SORBS2: variants seen among roughly 807,000 people sequenced by gnomAD.
The protein encoded by SORBS2 is sorbin and SH3 domain-containing protein 2.
A neutral mutation model predicts 97.7 loss-of-function variants in SORBS2; 46 were observed. That is an observed-to-expected ratio of 0.47 (90% CI 0.37 to 0.60). The LOEUF is 0.60. Ranked by LOEUF, SORBS2 falls within the 20% of genes least tolerant of loss-of-function variation. The pLI is 0.00. For missense variants in SORBS2, 1,316 were observed against 1,282.3 expected, an observed-to-expected ratio of 1.03 and a Z score of -0.40; for synonymous variants, 476 against 473.4, an observed-to-expected ratio of 1.01 and a Z score of -0.07.
At chr4:185,727,809 T>A (rs919986649) in intron 2 of SORBS2, among the ~76,000 whole-genome samples, 10 of 152,158 alleles carry the variant, frequency 6.6e-5, no homozygotes, top group African/African-American at 2.4e-4. Flanking sequence ...TTCAGAAAAA[T>A]GCACCTTAAT....
intron 2 of SORBS2, among the ~76,000 whole-genome samples, chr4:185,768,155 G>C (rs2098947639): frequency 6.6e-6 from 1 of 152,056 alleles, no homozygotes; most frequent in Non-Finnish European, 1.5e-5. Context: ...TTATATCCAG[G>C]TGTATGTGCC....
chr4:185,890,905 A>G (rs903384866), intron 1 of SORBS2, among the ~76,000 whole-genome samples: 1 of 152,230 alleles, frequency 6.6e-6, no homozygotes, highest in Non-Finnish European at 1.5e-5. Context: ...TGTATGTTTT[A>G]TAGTATTGAA....
chr4:185,672,415 G>A (rs1386073286), intron 4 of SORBS2, among the ~76,000 whole-genome samples: 1 of 152,220 alleles, frequency 6.6e-6, no homozygotes, highest in Non-Finnish European at 1.5e-5. Context: ...GTTTGGGGGT[G>A]TAGCTTTTTG....
chr4:185,936,629 G>C (rs146221454), intron 1 of SORBS2, among the ~76,000 whole-genome samples: 1 of 152,296 alleles, frequency 6.6e-6, no homozygotes, highest in East Asian at 1.9e-4. Context: ...ATTGATAATA[G>C]TGTGATAACC....
At chr4:185,897,201 T>C (rs989147567) in intron 1 of SORBS2, among the ~76,000 whole-genome samples, 2 of 152,180 alleles carry the variant, frequency 1.3e-5, no homozygotes, top group Admixed American at 1.3e-4. Flanking sequence ...AGTATTACTC[T>C]AACTTTCGCT....
intron 1 of SORBS2, chr4:185,810,853 G>C (rs1382444377): frequency 6.6e-6 from 1 of 152,158 alleles, no homozygotes. Context: ...GAGGTGTGCG[G>C]TGTTTTTGGT....
intron 1 of SORBS2, among the ~76,000 whole-genome samples, chr4:185,780,408 C>T (rs574133975): frequency 2.8e-4 from 42 of 152,272 alleles, no homozygotes; most frequent in South Asian, 1.0e-3. Context: ...GCTCTGGGCA[C>T]GTAGCAAGCA....
intron 2 of SORBS2, among the ~76,000 whole-genome samples, chr4:185,730,959 T>C (rs767017012): frequency 6.6e-5 from 10 of 152,234 alleles, no homozygotes; most frequent in Non-Finnish European, 1.0e-4. Flanking sequence ...TGGTATCTAT[T>C]TGAGCATTTT....
chr4:185,682,860 A>G (rs2097892380), intron 2 of SORBS2, among the ~76,000 whole-genome samples: 1 of 151,950 alleles, frequency 6.6e-6, no homozygotes, highest in African/African-American at 2.4e-5. Context: ...AAAAAAATAC[A>G]AAAATTAGCC....
At chr4:185,908,539 G>T (rs1579433125) in intron 1 of SORBS2, among the ~76,000 whole-genome samples, 1 of 151,604 alleles carries the variant, frequency 6.6e-6, no homozygotes, top group South Asian at 2.1e-4. Context: ...GAAAGGGTTT[G>T]TTGGAAAATG....
intron 8 of SORBS2, 63 bp downstream of exon 20, chr4:185,619,999 TG>T: frequency 1.1e-6 from 1 of 952,364 alleles, no homozygotes; most frequent in Admixed American, 1.7e-5. Context: ...GGATAATTTT[TG>T]GCTGGTAAGT....
At chr4:185,611,283 G>C (rs80028814) in intron 12 of SORBS2, among the ~76,000 whole-genome samples, 12,181 of 151,858 alleles carry the variant, frequency 0.08, 663 homozygotes, top group Non-Finnish European at 0.12. Context: ...GTGTTCTTGT[G>C]ATATACTATT....
chr4:185,946,611 TAAAC>T lies in SORBS2; in HGVS notation c.-338+9581_-338+9584del, dbSNP rs1199744485. ...TCAGCAAAGGAAATACAAAGCAAAG[TAAAC>T]AAACAAACATCCTTCCATCTCCTCA... On this transcript the variant is annotated intron_variant, in intron 1 of 20. Transcript: ENST00000284776. 3.3e-5 allele frequency among the ~76,000 whole-genome samples: 5 copies of T among 152,240 alleles called. No individual in the cohort carries two copies. The East Asian group carries it at 9.7e-4, about 29-fold the overall frequency.
intron 1 of SORBS2, among the ~76,000 whole-genome samples, chr4:185,840,703 A>T (rs2099210952): frequency 6.6e-6 from 1 of 152,208 alleles, no homozygotes; most frequent in African/African-American, 2.4e-5. Flanking sequence ...GGGGGATCTA[A>T]TGCACATTGT....
chr4:185,848,525 A>T (rs991669118), intron 1 of SORBS2, among the ~76,000 whole-genome samples: 3 of 152,108 alleles, frequency 2.0e-5, no homozygotes, highest in Admixed American at 6.5e-5. Context: ...CTTTTAAAAA[A>T]GTCTTAGAAA....
At chr4:185,831,207 A>C (rs556793493) in intron 1 of SORBS2, among the ~76,000 whole-genome samples, 4 of 152,150 alleles carry the variant, frequency 2.6e-5, no homozygotes, top group Admixed American at 2.6e-4. Context: ...CAAAAGGGAT[A>C]TTTTGGGCTC....
Position 185,849,588 on chromosome 4 carries a change from C to A in SORBS2, c.-337-74222G>T, listed in dbSNP as rs939356775. On this transcript the variant is annotated intron_variant, in intron 1 of 20. Transcript: ENST00000284776. Reference sequence around the variant, plus strand: ...TTCTTGCTTCTGCCTAAACCCTGTCCTGTCTCTGTGATTACTCTTTTAGAC... The same window carrying A: ...TTCTTGCTTCTGCCTAAACCCTGTCATGTCTCTGTGATTACTCTTTTAGAC... 2.6e-5 allele frequency among the ~76,000 whole-genome samples: 4 copies of A among 152,138 alleles called. No individual in the cohort carries two copies. The East Asian group carries it at 7.7e-4, about 29-fold the overall frequency.
intron 1 of SORBS2, among the ~76,000 whole-genome samples, chr4:185,939,340 C>A (rs1425291441): frequency 6.6e-6 from 1 of 152,136 alleles, no homozygotes; most frequent in Non-Finnish European, 1.5e-5. Context: ...TCATCAGTTT[C>A]CTTCTCTTCA....
At chr4:185,691,192 G>A (rs2098086891) in intron 2 of SORBS2, among the ~76,000 whole-genome samples, 1 of 151,966 alleles carries the variant, frequency 6.6e-6, no homozygotes, top group Non-Finnish European at 1.5e-5. Context: ...GAGCCACCGT[G>A]CCCGGCCTGT....
Sources: gnomAD v4.1 joint callset for allele counts (sites outside exome capture counted in the v4.1 genomes callset) on GRCh38, gnomAD v4.1.1 for gene constraint, MANE v1.5 for transcripts, NCBI Gene and HGNC (gene_info 2026-07-23, HGNC 2026-07-21) for gene names.